The following SVIL variants were observed in gnomAD, a reference collection of about 807,000 sequenced individuals.
The protein encoded by SVIL is archvillin.
A neutral mutation model predicts 240.4 loss-of-function variants in SVIL; 101 were observed. The ratio of observed to expected loss-of-function variants is 0.42; its 90% CI spans 0.36 to 0.50. The LOEUF is 0.50. Ranked by LOEUF, SVIL falls within the 20% of genes least tolerant of loss-of-function variation. The pLI is 0.01. For missense variants in SVIL, 2,512 were observed against 2,818.7 expected (o/e 0.89, Z 2.46); for synonymous variants, 999 against 1,100.0 (o/e 0.91, Z 1.82).
rs780249070 is a variant in SVIL, at chr10:29,524,626, G to C, written c.2432C>G (p.Ser811Cys). ...ELAEQGEPDS[S>C]TLSLAEKLAL... The stretch of plus-strand genomic sequence containing the variant: ...CAACTTTTCGGCCAAGCTTAGAGTG[G>C]AGGAATCAGGTTCTCCTTGCTCAGC... Residue 811 changes from serine to cysteine, a missense_variant, in exon 14 of 38, where the codon TCC (serine) becomes TGC (cysteine). By Grantham distance (112) the Ser-to-Cys change is moderately radical. Coordinates refer to ENST00000355867, the MANE Select transcript of SVIL (RefSeq NM_021738.3). 4.3e-6 allele frequency: 7 copies of C among 1,614,040 alleles called. No individual in the cohort carries two copies. In the African/African-American group the frequency reaches 8.0e-5, roughly 18 times the overall value.
chr10:29,679,963 G>T (rs1482368373), intron 2 of SVIL, among the ~76,000 whole-genome samples: 1 of 151,322 alleles, frequency 6.6e-6, no homozygotes, highest in Non-Finnish European at 1.5e-5. Context: ...CAGGAGGATT[G>T]CTTGAGCCCA....
intron 2 of SVIL, among the ~76,000 whole-genome samples, chr10:29,658,539 T>C (rs1959070908): frequency 6.6e-6 from 1 of 152,200 alleles, no homozygotes; most frequent in African/African-American, 2.4e-5. Context: ...GGAGGACTGC[T>C]TGAGGCCAGG....
At chr10:29,725,942 A>G (rs1301970871) in intron 1 of SVIL, among the ~76,000 whole-genome samples, 1 of 152,154 alleles carries the variant, frequency 6.6e-6, no homozygotes, top group Non-Finnish European at 1.5e-5. Context: ...TTATTTTAGA[A>G]ACAAGGTCTT....
chr10:29,606,916 G>A (rs1053810466), intron 1 of SVIL, among the ~76,000 whole-genome samples: 3 of 151,996 alleles, frequency 2.0e-5, no homozygotes, highest in East Asian at 1.9e-4. Flanking sequence ...CACCACACCC[G>A]GCTAATTTTT....
At chr10:29,581,702 C>T (rs1431204389) in intron 1 of SVIL, among the ~76,000 whole-genome samples, 1 of 152,182 alleles carries the variant, frequency 6.6e-6, no homozygotes, top group East Asian at 1.9e-4. Context: ...ATGAAATTAT[C>T]TCCAATCGTT....
chr10:29,564,366 T>A (rs973125216), intron 2 of SVIL, among the ~76,000 whole-genome samples: 5 of 152,146 alleles, frequency 3.3e-5, no homozygotes, highest in Non-Finnish European at 5.9e-5. Flanking sequence ...TGTACCCAAC[T>A]CCATGGTCTT....
chr10:29,701,776 A>G lies in SVIL; in HGVS notation c.-399-15125T>C, dbSNP rs139130381. Among the ~76,000 whole-genome samples the G allele has an allele frequency of 1.3e-3, 192 of 152,338 alleles. 1 individual carries two copies. The highest frequency in any genetic ancestry group is 2.3e-3 in the Non-Finnish European group (158 of 68,018). On this transcript the variant is annotated intron_variant, in intron 1 of 35. Coordinates refer to the SVIL transcript ENST00000375400. ...TAAATGGTTCAATTATAAGGCCCCA[A>G]GCTATCTTTTGTGGCTGACATTCTA...
At chr10:29,600,532 T>C (rs971594194) in intron 1 of SVIL, among the ~76,000 whole-genome samples, 28 of 152,186 alleles carry the variant, frequency 1.8e-4, no homozygotes, top group Admixed American at 1.2e-3. Flanking sequence ...ACACACAGGT[T>C]GGCTAAGGTG....
At chr10:29,568,318 A>C (rs1485919724) in intron 2 of SVIL, among the ~76,000 whole-genome samples, 2 of 151,956 alleles carry the variant, frequency 1.3e-5, no homozygotes, top group African/African-American at 4.8e-5. Flanking sequence ...CCATTTTCAA[A>C]TGCAGAGCAG....
intron 2 of SVIL, among the ~76,000 whole-genome samples, chr10:29,565,202 C>T (rs1954868027): frequency 6.6e-6 from 1 of 152,150 alleles, no homozygotes; most frequent in Admixed American, 6.5e-5. Flanking sequence ...CTCTTTCTTT[C>T]TGTTTCTCAG....
chr10:29,539,558 TA>T (rs1951992324), intron 6 of SVIL, among the ~76,000 whole-genome samples: 1 of 152,198 alleles, frequency 6.6e-6, no homozygotes, highest in Non-Finnish European at 1.5e-5. Context: ...AGGAGACGCC[TA>T]AATCAGACAC....
chr10:29,488,778 A>C, intron 22 of SVIL, 22 bp from the exon 23 acceptor site: 11 of 1,606,044 alleles, frequency 6.8e-6, no homozygotes, highest in Non-Finnish European at 9.3e-6. Flanking sequence ...GAATAAGGAA[A>C]CACAACGCAG....
At chr10:29,639,883 C>A (rs1958429756), upstream of SVIL, among the ~76,000 whole-genome samples, 1 of 152,136 alleles carries the variant, frequency 6.6e-6, no homozygotes, top group Non-Finnish European at 1.5e-5. Flanking sequence ...AACATAAAAC[C>A]TAGATCCAAA....
intron 2 of SVIL, among the ~76,000 whole-genome samples, chr10:29,668,024 G>A (rs1959464460): frequency 6.6e-6 from 1 of 152,112 alleles, no homozygotes. Context: ...CAAACCATGT[G>A]TCTAACTTCC....
rs572746439 is a variant in SVIL at position 29,692,509 on chromosome 10, G to C, written c.-399-5858C>G. On this transcript the variant is annotated intron_variant, in intron 1 of 35. Transcript: ENST00000375400. ...TGTCAAGCACTCATTATAGTGCTTGGCATACACCAAATGTTCAGGAGAGAT... is the reference window on the plus strand; with the variant it reads ...TGTCAAGCACTCATTATAGTGCTTGCCATACACCAAATGTTCAGGAGAGAT... 3.9e-5 allele frequency among the ~76,000 whole-genome samples: 6 copies of C among 152,136 alleles called. No individual in the cohort carries two copies. The South Asian group carries it at 1.2e-3, about 32-fold the overall frequency.
rs943470776 is a variant in SVIL at position 29,735,499 on chromosome 10, C to A, written c.-400+252G>T. ...AAGTGGGTGGGAGCCGCGGCCGCGCCGCGCCTTTGTTACGGCTCGGGGACC... is the reference window on the plus strand; with the variant it reads ...AAGTGGGTGGGAGCCGCGGCCGCGCAGCGCCTTTGTTACGGCTCGGGGACC... On this transcript the variant is annotated intron_variant, in intron 1 of 35. Coordinates refer to the SVIL transcript ENST00000375400. The surrounding 1 kb of genome is among the most constrained non-coding windows in gnomAD (Gnocchi z 4.1). Among the ~76,000 whole-genome samples, 19 of 151,494 alleles carry A rather than the reference C, an allele frequency of 1.3e-4. No individual in the cohort carries two copies. Among genetic ancestry groups the A allele is most frequent in the African/African-American group, 4.3e-4 (18 of 41,382 alleles).
At chr10:29,518,179 G>A (rs1452666162) in intron 16 of SVIL, among the ~76,000 whole-genome samples, 1 of 152,184 alleles carries the variant, frequency 6.6e-6, no homozygotes, top group African/African-American at 2.4e-5. Flanking sequence ...CTGGAGGTCA[G>A]GAGTTTGACA....
intron 1 of SVIL, chr10:29,602,226 T>C (rs372048018): frequency 5.7e-6 from 3 of 528,632 alleles, no homozygotes; most frequent in African/African-American, 3.9e-5. Flanking sequence ...AACTTAATGA[T>C]GTTTCATGAA....
intron 24 of SVIL, 37 bp downstream of exon 24, chr10:29,487,126 A>G: frequency 6.2e-7 from 1 of 1,609,710 alleles, no homozygotes; most frequent in Middle Eastern, 1.7e-4. Context: ...CGTAAAGGAG[A>G]TGTTAGCTAA....
Sources: gnomAD v4.1 joint callset for allele counts (sites outside exome capture counted in the v4.1 genomes callset) on GRCh38, gnomAD v4.1.1 for gene constraint, Gnocchi (gnomAD v3.1) non-coding constraint, MANE v1.5 for transcripts, NCBI Gene and HGNC (gene_info 2026-07-23, HGNC 2026-07-21) for gene names.